The following ZNF778 variants were observed in gnomAD, a reference collection of about 807,000 sequenced individuals.
The protein encoded by ZNF778 is zinc finger protein 778.
Under a neutral mutation model 23.9 loss-of-function variants are expected in ZNF778, and 37 were observed. That is an observed-to-expected ratio of 1.54 (90% CI 1.19 to 2.03). The LOEUF (loss-of-function observed/expected upper bound fraction) is 2.03, where lower values mean the gene tolerates loss of function less well. Among genes scored for constraint, ZNF778 ranks in the 30% most tolerant of loss-of-function variants. ZNF778 has a pLI of 0.00. For missense variants in ZNF778, 1,297 were observed against 934.4 expected (o/e 1.39, Z -5.06); for synonymous variants, 483 against 343.9 (o/e 1.40, Z -4.48).
intron 2 of ZNF778, among the ~76,000 whole-genome samples, chr16:89,221,395 G>A (rs1025979367): frequency 6.6e-6 from 1 of 152,174 alleles, no homozygotes; most frequent in African/African-American, 2.4e-5. Flanking sequence ...CGTTCCTCAA[G>A]GCGTACCGTT....
rs2031306907 is a variant in ZNF778 at position 89,224,708 on chromosome 16, C to T, written c.245-11C>T. The T allele has an allele frequency of 6.5e-7, 1 of 1,532,784 alleles. No homozygotes were observed. The highest frequency in any genetic ancestry group is 8.7e-7 in the Non-Finnish European group (1 of 1,144,110). The allele number at this position is 1,532,784 out of a possible 1,614,324, so 94.9% of individuals were successfully genotyped here. On this transcript the variant is annotated splice_polypyrimidine_tract_variant and intron_variant, in intron 4 of 6. Coordinates refer to ENST00000433976, the MANE Select transcript of ZNF778 (RefSeq NM_001201407.2). ...AGCCTCTTCCATCGATGTCTCTTTC[C>T]CTGTGTACAGGACATCACCTGTTCC...
rs150140155 is a variant in ZNF778, at chr16:89,229,197, C to T, written c.*635C>T. 1.3e-4 allele frequency: 126 copies of T among 985,696 alleles called. No homozygotes were observed. The African/African-American group carries it at 1.9e-3, about 15-fold the overall frequency. 61.1% of individuals were successfully genotyped at this position (985,696 alleles called of 1,614,324 possible). ...AGGCCTTGAGGACTCAGATGTGATC[C>T]TGTGTGAGCAGTGTAGGCTCTGGTT... On this transcript the variant is annotated 3_prime_UTR_variant, in exon 7 of 7. Transcript: ENST00000433976.
rs1173681962 is a variant in ZNF778 at position 89,221,078 on chromosome 16, G to A, written c.-50G>A. On this transcript the variant is annotated 5_prime_UTR_variant, in exon 2 of 7. Coordinates refer to ENST00000433976, the MANE Select transcript of ZNF778 (RefSeq NM_001201407.2). ...TAGATTCACAAGCTGCCCTGCAGTG[G>A]CCTTGGCTTCAGGAAAGGAGCATTC... is the stretch of plus-strand genomic sequence containing the variant. 10 of 1,555,972 alleles carry A rather than the reference G, an allele frequency of 6.4e-6. No homozygotes were observed. The highest frequency in any genetic ancestry group is 4.1e-5 in the African/African-American group (3 of 73,312).
chr16:89,227,832 C>G lies in ZNF778; in HGVS notation c.1544C>G (p.Thr515Arg), dbSNP rs760611903. 1.9e-6 allele frequency: 3 copies of G among 1,614,098 alleles called. No homozygotes were observed. The highest frequency in any genetic ancestry group is 2.5e-6 in the Non-Finnish European group (3 of 1,179,998). Residue 515 changes from threonine to arginine, a missense_variant, in exon 7 of 7, where the codon ACA (threonine) becomes AGA (arginine). Coordinates refer to ENST00000433976, the MANE Select transcript of ZNF778 (RefSeq NM_001201407.2). ...YECKQCGKAF[T>R]GRSGLTKHMR... Reference sequence around the variant, plus strand: ...TGTAAGCAGTGTGGCAAAGCCTTCACAGGGCGCTCAGGCCTCACTAAACAC... The same window carrying G: ...TGTAAGCAGTGTGGCAAAGCCTTCAGAGGGCGCTCAGGCCTCACTAAACAC...
At chr16:89,222,356 G>A (rs887655710) in intron 3 of ZNF778, among the ~76,000 whole-genome samples, 173 bp downstream of exon 3, 12 of 152,026 alleles carry the variant, frequency 7.9e-5, no homozygotes, top group African/African-American at 2.4e-4. Flanking sequence ...AATCCTCCCC[G>A]TATTTCAGTG....
In ZNF778 at chr16:89,223,218, A is replaced by G; in HGVS notation, c.179A>G (p.Asp60Gly). 6.2e-7 allele frequency: 1 copy of G among 1,614,008 alleles called. No homozygotes were observed. Among genetic ancestry groups the G allele is most frequent in the Non-Finnish European group, 8.5e-7 (1 of 1,179,980 alleles). The change falls in exon 4 of 7, where the codon GAC (aspartate) becomes GGC (glycine). Residue 60 changes from aspartate to glycine, a missense_variant. Asp to Gly is a moderately conservative substitution (Grantham distance 94). Transcript: ENST00000433976. ...DFTQEEWTLL[D>G]PSQRDLYRDV... The stretch of plus-strand genomic sequence containing the variant: ...ACCCAGGAGGAATGGACTTTACTGG[A>G]CCCATCTCAGAGAGACCTCTACAGA...
Position 89,234,554 on chromosome 16 carries a change from A to AC in ZNF778, c.*5994dup, listed in dbSNP as rs2032184083. 6.0e-6 allele frequency: 1 copy of AC among 167,034 alleles called. No homozygotes were observed. The highest frequency in any genetic ancestry group is 5.6e-5 in the Admixed American group (1 of 17,874). The allele number at this position is 167,034 out of a possible 1,614,324, so 10.3% of individuals were successfully genotyped here. Reference sequence around the variant, plus strand: ...TAGTGAGGCTGTTGTGAGGTGAGTCACCACTTGTGACTTAGAAGATTGCAG... The same window carrying AC: ...TAGTGAGGCTGTTGTGAGGTGAGTCACCCACTTGTGACTTAGAAGATTGCAG... On this transcript the variant is annotated 3_prime_UTR_variant, in exon 7 of 7. Transcript: ENST00000433976.
In ZNF778 at chr16:89,234,519, T is replaced by G. The variant is rs2032182745; in HGVS notation, c.*5957T>G. 1 of 176,566 alleles carries G rather than the reference T, an allele frequency of 5.7e-6. No individual in the cohort carries two copies. Among genetic ancestry groups the G allele is most frequent in the African/African-American group, 2.4e-5 (1 of 41,710 alleles). 10.9% of individuals were successfully genotyped at this position (176,566 alleles called of 1,614,324 possible). A position where few individuals can be genotyped will look rare whatever the true frequency, so the allele number is the denominator to read the frequency against. The stretch of plus-strand genomic sequence containing the variant: ...TCCTGGTTTGTTTGATCTTTGTTCT[T>G]TTTTAGAAATAGTGAGGCTGTTGTG... On this transcript the variant is annotated 3_prime_UTR_variant, in exon 7 of 7. Coordinates refer to ENST00000433976, the MANE Select transcript of ZNF778 (RefSeq NM_001201407.2).
intron 1 of ZNF778, among the ~76,000 whole-genome samples, chr16:89,218,735 G>A (rs1028849459): frequency 6.6e-6 from 1 of 152,180 alleles, no homozygotes; most frequent in Non-Finnish European, 1.5e-5. Context: ...AGCTTGCAGT[G>A]AGCCGAGATG....
intron 1 of ZNF778, among the ~76,000 whole-genome samples, chr16:89,219,048 G>C (rs1202205269): frequency 6.7e-6 from 1 of 148,710 alleles, no homozygotes; most frequent in South Asian, 2.1e-4. Context: ...CACAGGTTGC[G>C]GTGAGCCAAG....
chr16:89,227,227 A>G lies in ZNF778; in HGVS notation c.939A>G (p.Glu313=). 1.2e-6 allele frequency: 2 copies of G among 1,613,468 alleles called. No individual in the cohort carries two copies. The highest frequency in any genetic ancestry group is 2.2e-5 in the South Asian group (2 of 91,054). The change falls in exon 7 of 7, where the codon GAA becomes GAG. Residue 313 remains glutamate, a synonymous_variant. Coordinates refer to ENST00000433976, the MANE Select transcript of ZNF778 (RefSeq NM_001201407.2). Reference sequence around the variant, plus strand: ...GGGAAAAGCCCTGTGAATTGGAAGAATGTGGAAAAGCCTCCCCTGTTTCTT... The same window carrying G: ...GGGAAAAGCCCTGTGAATTGGAAGAGTGTGGAAAAGCCTCCCCTGTTTCTT... The part of the protein sequence containing the change: ...HPGEKPCELE[E]CGKASPVSSS...
rs200485737 is a variant in ZNF778, at chr16:89,226,942, A to C, written c.654A>C (p.Ala218=). ...SSTPNVVSQQ[A]CTRDRSLDYS... ...CTCCAAATGTTGTTTCCCAGCAAGC[A>C]TGCACTCGGGACAGATCTCTTGACT... Residue 218 remains alanine, a synonymous_variant, in exon 7 of 7, where the codon GCA becomes GCC. Coordinates refer to ENST00000433976, the MANE Select transcript of ZNF778 (RefSeq NM_001201407.2). The C allele has an allele frequency of 8.1e-6, 13 of 1,614,034 alleles. No homozygotes were observed. In the East Asian group the frequency reaches 2.9e-4, roughly 36 times the overall value.
At chr16:89,219,698 C>G (rs530638470) in intron 1 of ZNF778, among the ~76,000 whole-genome samples, 15 of 152,372 alleles carry the variant, frequency 9.8e-5, no homozygotes, top group African/African-American at 2.9e-4. Flanking sequence ...TCCTTTCCAC[C>G]AAGTGCCTAA....
chr16:89,224,937 C>A, intron 5 of ZNF778, 135 bp downstream of exon 5: 1 of 647,472 alleles, frequency 1.5e-6, no homozygotes, highest in Admixed American at 2.4e-5. Flanking sequence ...TCGAGTTTAG[C>A]GGCTGTGGAA....
chr16:89,223,538 G>C (rs2031172607), intron 4 of ZNF778, among the ~76,000 whole-genome samples: 4 of 152,178 alleles, frequency 2.6e-5, no homozygotes, highest in Admixed American at 2.6e-4. Flanking sequence ...TCTCCTGGGG[G>C]TGGGCCTGTC....
In ZNF778 at chr16:89,233,428, C is replaced by G. The variant is rs1447316594; in HGVS notation, c.*4866C>G. ...AACTCAACTCGCACTGCGTATGCAACTCAACTCGCACTGCGTGTGCAACTC... is the reference window on the plus strand; with the variant it reads ...AACTCAACTCGCACTGCGTATGCAAGTCAACTCGCACTGCGTGTGCAACTC... On this transcript the variant is annotated 3_prime_UTR_variant, in exon 7 of 7. Transcript: ENST00000433976. 1 of 1,257,774 alleles carries G rather than the reference C, an allele frequency of 8.0e-7. No individual in the cohort carries two copies. Among genetic ancestry groups the G allele is most frequent in the Non-Finnish European group, 1.0e-6 (1 of 967,168 alleles). 77.9% of individuals were successfully genotyped at this position (1,257,774 alleles called of 1,614,324 possible).
At position 89,233,801 on chromosome 16, in the gene ZNF778, G is replaced by A. The variant is rs561659398; in HGVS notation, c.*5239G>A. 4.6e-5 allele frequency: 60 copies of A among 1,290,384 alleles called. 1 individual carries two copies. Among genetic ancestry groups the A allele is most frequent in the South Asian group, 3.5e-4 (28 of 80,856 alleles). The allele number at this position is 1,290,384 out of a possible 1,614,324, so 79.9% of individuals were successfully genotyped here. ...TCGCACTGCGTATGCAACTCAGCTC[G>A]CACTGCGTATGCAACTCAACTGTTG... is the stretch of plus-strand genomic sequence containing the variant. On this transcript the variant is annotated 3_prime_UTR_variant, in exon 7 of 7. Transcript: ENST00000433976.
Position 89,223,359 on chromosome 16 carries a change from G to T in ZNF778, c.244+76G>T, listed in dbSNP as rs149351724. The T allele has an allele frequency of 6.2e-3, 9,934 of 1,592,610 alleles. 49 individuals are homozygous for T. Among genetic ancestry groups the T allele is most frequent in the Non-Finnish European group, 7.0e-3 (8,243 of 1,169,532 alleles). On this transcript the variant is annotated intron_variant, in intron 4 of 6. Transcript: ENST00000433976. Reference sequence around the variant, plus strand: ...GTCCTTACTGTGTTCCAGGGTTGGTGACGGCAAAGCCGAGTACCACGGGAA... The same window carrying T: ...GTCCTTACTGTGTTCCAGGGTTGGTTACGGCAAAGCCGAGTACCACGGGAA...
chr16:89,220,749 A>G (rs944116362), intron 1 of ZNF778, among the ~76,000 whole-genome samples: 4 of 152,192 alleles, frequency 2.6e-5, no homozygotes, highest in Non-Finnish European at 5.9e-5. Context: ...GGACCAGTTC[A>G]TGTTATCTGA....
Sources: gnomAD v4.1 joint callset for allele counts (sites outside exome capture counted in the v4.1 genomes callset) on GRCh38, gnomAD v4.1.1 for gene constraint, MANE v1.5 for transcripts, NCBI Gene and HGNC (gene_info 2026-07-23, HGNC 2026-07-21) for gene names.